The following BACH2 variants were observed in gnomAD, a reference collection of about 807,000 sequenced individuals.
BACH2 encodes the protein BACH transcriptional regulator 2.
Under a neutral mutation model 61.8 loss-of-function variants are expected in BACH2, and 5 were observed. The observed-to-expected ratio is 0.08, with a 90% CI of 0.04 to 0.17. The LOEUF is 0.17. Among genes scored for constraint, BACH2 ranks in the 10% least tolerant of loss-of-function variants. The pLI is 1.00. For missense variants in BACH2, 824 were observed against 1,091.1 expected, an observed-to-expected ratio of 0.76 and a Z score of 3.45; for synonymous variants, 446 against 440.1, an observed-to-expected ratio of 1.01 and a Z score of -0.17.
intron 7 of BACH2, among the ~76,000 whole-genome samples, chr6:89,942,324 C>T (rs1211245240): frequency 1.3e-5 from 2 of 152,166 alleles, no homozygotes; most frequent in African/African-American, 4.8e-5. Context: ...ATGCCTCTCC[C>T]AGGCTCTCGG....
intron 8 of BACH2, among the ~76,000 whole-genome samples, chr6:89,933,358 A>C (rs548443854): frequency 1.3e-5 from 2 of 152,266 alleles, no homozygotes; most frequent in South Asian, 4.2e-4. Context: ...AAGCAGTAAA[A>C]AGATCTGTGG....
intron 5 of BACH2, among the ~76,000 whole-genome samples, chr6:90,037,249 C>G (rs989235483): frequency 9.9e-5 from 15 of 152,176 alleles, no homozygotes; most frequent in Non-Finnish European, 1.9e-4. Flanking sequence ...TGGGGCTATG[C>G]AGGATCCTTG....
intron 4 of BACH2, among the ~76,000 whole-genome samples, chr6:90,141,755 TGTAA>T (rs781022764): frequency 2.0e-5 from 3 of 152,216 alleles, no homozygotes; most frequent in African/African-American, 4.8e-5. Context: ...TAGGTTGATT[TGTAA>T]GTGTTTTCTG....
intron 5 of BACH2, among the ~76,000 whole-genome samples, chr6:90,057,222 C>T (rs2127796938): frequency 6.6e-6 from 1 of 152,164 alleles, no homozygotes; most frequent in Non-Finnish European, 1.5e-5. Context: ...TGATAGACTG[C>T]TAGCAAGACT....
At chr6:90,259,212 T>C (rs1771080736) in intron 2 of BACH2, among the ~76,000 whole-genome samples, 1 of 152,236 alleles carries the variant, frequency 6.6e-6, no homozygotes, top group Admixed American at 6.5e-5. Flanking sequence ...GGGTTTTTCA[T>C]AAATGGCCTT....
At chr6:90,019,937 A>T (rs1778287262) in intron 5 of BACH2, among the ~76,000 whole-genome samples, 1 of 152,216 alleles carries the variant, frequency 6.6e-6, no homozygotes, top group African/African-American at 2.4e-5. Flanking sequence ...AAACATGGGC[A>T]TCTGCTTTTT....
intron 5 of BACH2, among the ~76,000 whole-genome samples, chr6:90,082,569 A>G (rs1182519361): frequency 6.6e-6 from 1 of 152,166 alleles, no homozygotes; most frequent in Non-Finnish European, 1.5e-5. Context: ...ATTTGGAATT[A>G]GTTAATTAGT....
At chr6:90,042,482 G>A (rs1400035712) in intron 5 of BACH2, among the ~76,000 whole-genome samples, 3 of 151,878 alleles carry the variant, frequency 2.0e-5, no homozygotes, top group African/African-American at 7.3e-5. Context: ...TTACAGGCAC[G>A]ACCACTGTGC....
chr6:90,175,998 T>G (rs989649866), intron 4 of BACH2, among the ~76,000 whole-genome samples: 1 of 152,142 alleles, frequency 6.6e-6, no homozygotes. Context: ...TGCCTTTCCC[T>G]TGGAAACTCC....
intron 3 of BACH2, among the ~76,000 whole-genome samples, chr6:90,240,432 ATACTT>A (rs1232371004): frequency 4.6e-5 from 7 of 152,244 alleles, no homozygotes; most frequent in Non-Finnish European, 7.3e-5. Flanking sequence ...ATACTTGAAA[ATACTT>A]TGCTTTGGTC....
intron 5 of BACH2, among the ~76,000 whole-genome samples, chr6:90,079,595 T>C (rs1275679655): frequency 6.6e-6 from 1 of 152,192 alleles, no homozygotes; most frequent in Non-Finnish European, 1.5e-5. Context: ...CCTTTTGCTA[T>C]TTAAACAGAG....
intron 4 of BACH2, among the ~76,000 whole-genome samples, chr6:90,162,124 C>T (rs913371439): frequency 6.6e-6 from 1 of 152,016 alleles, no homozygotes; most frequent in Non-Finnish European, 1.5e-5. Flanking sequence ...TGAAAGCTTC[C>T]CAATAGGATC....
intron 2 of BACH2, among the ~76,000 whole-genome samples, chr6:90,271,391 A>G (rs1256400743): frequency 6.6e-6 from 1 of 151,166 alleles, no homozygotes; most frequent in Non-Finnish European, 1.5e-5. Context: ...AAGAAAAAAG[A>G]AAAAAGAAAG....
chr6:90,126,389 A>C (rs1376126950), intron 4 of BACH2, among the ~76,000 whole-genome samples: 3 of 152,228 alleles, frequency 2.0e-5, no homozygotes, highest in African/African-American at 7.2e-5. Flanking sequence ...TCTCAGTGCT[A>C]CTGGCAGATA....
intron 6 of BACH2, among the ~76,000 whole-genome samples, chr6:89,993,600 C>G (rs988730023): frequency 1.3e-5 from 2 of 152,094 alleles, no homozygotes; most frequent in Admixed American, 1.3e-4. Flanking sequence ...CTGACTCACT[C>G]TTCTGAAGTC....
intron 3 of BACH2, among the ~76,000 whole-genome samples, chr6:90,247,257 T>C (rs576454613): frequency 2.3e-3 from 353 of 151,946 alleles, no homozygotes; most frequent in Middle Eastern, 6.8e-3. Context: ...TTTTTTTTTT[T>C]TTTGTAGAGA....
At chr6:90,131,896 G>T (rs914772339) in intron 4 of BACH2, among the ~76,000 whole-genome samples, 2 of 152,206 alleles carry the variant, frequency 1.3e-5, no homozygotes, top group Non-Finnish European at 2.9e-5. Flanking sequence ...GCCAGCCAAT[G>T]AAAGTGATTG....
intron 6 of BACH2, among the ~76,000 whole-genome samples, chr6:89,966,250 C>A (rs535204294): frequency 2.6e-4 from 39 of 152,186 alleles, no homozygotes; most frequent in Non-Finnish European, 8.8e-5. Flanking sequence ...CAAAGCTGTA[C>A]AGTAAGCTGG....
chr6:90,123,407 T>C (rs75547794), intron 4 of BACH2, among the ~76,000 whole-genome samples: 5,278 of 152,258 alleles, frequency 0.035, 120 homozygotes, highest in South Asian at 0.089. Context: ...TTGTTTTAAA[T>C]TGTCCAGTTT....
Sources: allele counts gnomAD v4.1 joint callset (sites outside exome capture counted in the v4.1 genomes callset), GRCh38; gene constraint gnomAD v4.1.1; transcripts MANE v1.5; gene names NCBI Gene and HGNC (gene_info 2026-07-23, HGNC 2026-07-21).